Variants in SEC14L1 observed in about 807,000 individuals in gnomAD.
SEC14L1 encodes the protein SEC14-like protein 1.
Under a neutral mutation model 85.3 loss-of-function variants are expected in SEC14L1, and 48 were observed. That is an observed-to-expected ratio of 0.56 (90% CI 0.45 to 0.72). The LOEUF is 0.72. Ranked by LOEUF, SEC14L1 falls within the 30% of genes least tolerant of loss-of-function variation. SEC14L1 has a pLI of 0.00. For synonymous variants in SEC14L1, 391 were observed against 355.5 expected, an observed-to-expected ratio of 1.10 and a Z score of -1.12; for missense variants, 682 against 921.4, an observed-to-expected ratio of 0.74 and a Z score of 3.36.
intron 9 of SEC14L1, among the ~76,000 whole-genome samples, chr17:77,202,061 G>A (rs961257765): frequency 1.3e-5 from 2 of 152,156 alleles, no homozygotes; most frequent in Admixed American, 1.3e-4. Flanking sequence ...GCTAGGCAGT[G>A]CTGACTCTAG....
chr17:77,135,579 C>G (rs925460792), intron 3 of SEC14L1, among the ~76,000 whole-genome samples: 4 of 152,170 alleles, frequency 2.6e-5, no homozygotes, highest in Non-Finnish European at 5.9e-5. Context: ...GGCTATCTCT[C>G]AGGCTGGAGT....
chr17:77,213,843 T>C lies in SEC14L1; in HGVS notation c.2043-75T>C. The C allele has an allele frequency of 6.4e-7, 1 of 1,567,370 alleles. No homozygotes were observed. The highest frequency in any genetic ancestry group is 8.8e-7 in the Non-Finnish European group (1 of 1,139,068). Reference sequence around the variant, plus strand: ...GCAGAGAACAGGGTGGGCCACGAAGTCCAGCAGGCAGTGTGGGCCGGCGGG... The same window carrying C: ...GCAGAGAACAGGGTGGGCCACGAAGCCCAGCAGGCAGTGTGGGCCGGCGGG... On this transcript the variant is annotated intron_variant, in intron 16 of 16. Transcript: ENST00000436233. This position sits in a 1 kb window ranked among gnomAD's most constrained non-coding sequence, Gnocchi z 7.1.
chr17:77,194,954 A>G, intron 7 of SEC14L1, 43 bp downstream of exon 7: 2 of 1,462,098 alleles, frequency 1.4e-6, no homozygotes. Flanking sequence ...AGGCTAGGGA[A>G]GTCGGCGTTG....
chr17:77,201,338 C>T (rs1347739090), intron 9 of SEC14L1, among the ~76,000 whole-genome samples: 1 of 152,136 alleles, frequency 6.6e-6, no homozygotes, highest in Non-Finnish European at 1.5e-5. Flanking sequence ...AGAACTGGTT[C>T]TTTTACCCTC....
chr17:77,100,326 C>T (rs597033), intron 3 of SEC14L1, among the ~76,000 whole-genome samples: 40,635 of 151,684 alleles, frequency 0.27, 5,649 homozygotes, highest in South Asian at 0.48. Flanking sequence ...GCCTACCGCC[C>T]TGCGCTGCAG....
intron 3 of SEC14L1, among the ~76,000 whole-genome samples, chr17:77,100,476 G>T (rs1172860824): frequency 2.7e-5 from 3 of 109,522 alleles, no homozygotes; most frequent in African/African-American, 1.1e-4. Context: ...TCACTCTGTT[G>T]CCCAGGCTGG....
At chr17:77,134,772 G>T (rs1348062432) in intron 3 of SEC14L1, among the ~76,000 whole-genome samples, 1 of 151,964 alleles carries the variant, frequency 6.6e-6, no homozygotes, top group African/African-American at 2.4e-5. Flanking sequence ...TTTTTTTGTT[G>T]TTGTTGAGAC....
chr17:77,142,202 C>T (rs1308603568), intron 1 of SEC14L1, among the ~76,000 whole-genome samples: 4 of 152,126 alleles, frequency 2.6e-5, no homozygotes, highest in Non-Finnish European at 4.4e-5. Flanking sequence ...GCGATGTTTT[C>T]CACCATGACC....
At chr17:77,203,142 C>T (rs944345881) in intron 9 of SEC14L1, among the ~76,000 whole-genome samples, 1 of 152,104 alleles carries the variant, frequency 6.6e-6, no homozygotes, top group Non-Finnish European at 1.5e-5. Flanking sequence ...ACTCTGTAGT[C>T]ATAGAAAAAG....
In SEC14L1 at chr17:77,193,539, A is replaced by G. The variant is rs1313692768; in HGVS notation, c.464A>G (p.Asn155Ser). Residue 155 changes from asparagine to serine, a missense_variant, in exon 6 of 17, where the codon AAC becomes AGC. By Grantham distance (46) the Asn-to-Ser change is conservative. Around this residue, in one of 3 missense-constraint regions of SEC14L1, gnomAD observed 139 missense variants for 201.3 expected, o/e 0.69. Coordinates refer to ENST00000436233, the MANE Select transcript of SEC14L1 (RefSeq NM_001143998.2). ...ATTGCAATGAAACAATATACCAGCA[A>G]CATTAAAAAAGTGAGTGTATCTTGG... The part of the protein sequence containing the change: ...EKIAMKQYTS[N>S]IKKGKEIIEY... 9.9e-6 allele frequency: 16 copies of G among 1,609,354 alleles called. No homozygotes were observed. Among genetic ancestry groups the G allele is most frequent in the Non-Finnish European group, 5.1e-6 (6 of 1,176,836 alleles).
At chr17:77,205,700 T>G (rs1016955183) in intron 11 of SEC14L1, among the ~76,000 whole-genome samples, 2 of 152,162 alleles carry the variant, frequency 1.3e-5, no homozygotes, top group Non-Finnish European at 2.9e-5. Context: ...AAATGTTTAG[T>G]GATTCAGAGG....
intron 3 of SEC14L1, among the ~76,000 whole-genome samples, chr17:77,183,246 A>G (rs1216392402): frequency 6.6e-6 from 1 of 152,254 alleles, no homozygotes; most frequent in Non-Finnish European, 1.5e-5. Flanking sequence ...ACTTTTTATT[A>G]TGAGTAATGC....
intron 10 of SEC14L1, among the ~76,000 whole-genome samples, 169 bp downstream of exon 10, chr17:77,203,827 T>TTATATATATATATATA (rs1598395915): frequency 6.6e-6 from 1 of 152,066 alleles, no homozygotes; most frequent in African/African-American, 2.4e-5. Context: ...GACACAGAAG[T>TTATATATATATATATA]TATAAAAGTG....
chr17:77,199,679 A>C (rs1247099167), intron 8 of SEC14L1: 2 of 152,300 alleles, frequency 1.3e-5, no homozygotes, highest in East Asian at 3.9e-4. Flanking sequence ...TCATTCATAG[A>C]TCCGTTCATA....
intron 3 of SEC14L1, among the ~76,000 whole-genome samples, chr17:77,130,521 C>G (rs1567882164): frequency 6.6e-6 from 1 of 152,102 alleles, no homozygotes; most frequent in Non-Finnish European, 1.5e-5. Flanking sequence ...TTTCACTTCA[C>G]CATGTTGGCC....
chr17:77,184,493 T>G (rs1975178870), intron 3 of SEC14L1, among the ~76,000 whole-genome samples: 1 of 152,202 alleles, frequency 6.6e-6, no homozygotes, highest in Admixed American at 6.5e-5. Context: ...ACTATGTGGT[T>G]TATAATGCTT....
intron 3 of SEC14L1, among the ~76,000 whole-genome samples, chr17:77,127,277 G>A (rs1297725174): frequency 6.6e-6 from 1 of 152,082 alleles, no homozygotes; most frequent in Non-Finnish European, 1.5e-5. Context: ...GAGGATGATG[G>A]CTTCCAGCTT....
chr17:77,131,333 G>A (rs749578468), intron 3 of SEC14L1, among the ~76,000 whole-genome samples: 2 of 152,036 alleles, frequency 1.3e-5, no homozygotes, highest in South Asian at 2.1e-4. Context: ...GCAATGGCGC[G>A]GTCTTGGCTC....
chr17:77,193,607 T>A (rs1975651466), intron 6 of SEC14L1, 58 bp downstream of exon 6: 2 of 1,547,562 alleles, frequency 1.3e-6, no homozygotes, highest in East Asian at 4.6e-5. Context: ...GAGATGACCA[T>A]CTTTTTGGAA....
Sources: allele counts gnomAD v4.1 joint callset (sites outside exome capture counted in the v4.1 genomes callset), GRCh38; gene constraint gnomAD v4.1.1; regional missense constraint gnomAD v4.1.1; non-coding constraint Gnocchi (gnomAD v3.1); transcripts MANE v1.5; gene names NCBI Gene and HGNC (gene_info 2026-07-23, HGNC 2026-07-21).